Variants in WTAP observed in about 807,000 individuals in gnomAD.
The protein encoded by WTAP is pre-mRNA-splicing regulator WTAP.
A neutral mutation model predicts 50.0 loss-of-function variants in WTAP; 8 were observed. The ratio of observed to expected loss-of-function variants is 0.16; its 90% CI spans 0.09 to 0.29. The LOEUF (loss-of-function observed/expected upper bound fraction) is 0.29, where lower values mean the gene tolerates loss of function less well. Among genes scored for constraint, WTAP ranks in the 10% least tolerant of loss-of-function variants. The pLI is 1.00. For missense variants in WTAP, 295 were observed against 470.7 expected (o/e 0.63, Z 3.45); for synonymous variants, 194 against 169.0 (o/e 1.15, Z -1.15).
At chr6:159,730,192 T>A (rs982165882) in intron 1 of WTAP, among the ~76,000 whole-genome samples, 2 of 152,208 alleles carry the variant, frequency 1.3e-5, no homozygotes, top group African/African-American at 4.8e-5. Flanking sequence ...CTAACAGTCA[T>A]TTTCATCCTG....
At chr6:159,742,279 G>A in intron 4 of WTAP, 133 bp downstream of exon 4, 2 of 664,346 alleles carry the variant, frequency 3.0e-6, no homozygotes, top group Non-Finnish European at 5.0e-6. Flanking sequence ...CATAGGCACT[G>A]TGTTGGGTGC....
At position 159,742,116 on chromosome 6, in the gene WTAP, G is replaced by A. The variant is rs1417769727; in HGVS notation, c.115G>A (p.Ala39Thr). The change falls in exon 4 of 8, where the codon GCT (alanine) becomes ACT (threonine). Residue 39 changes from alanine to threonine, a missense_variant. Ala to Thr is a moderately conservative substitution (Grantham distance 58). Coordinates refer to ENST00000621533, the MANE Select transcript of WTAP (RefSeq NM_001270531.2). ...GAAACAATATGAAGCATATGTACAA[G>A]CTTTGGAGGGCAAGTACACAGATCT... is the stretch of plus-strand genomic sequence containing the variant. The part of the protein sequence containing the change: ...RWKQYEAYVQ[A>T]LEGKYTDLNS... The A allele has an allele frequency of 6.2e-7, 1 of 1,607,804 alleles. No homozygotes were observed. Among genetic ancestry groups the A allele is most frequent in the African/African-American group, 1.3e-5 (1 of 74,540 alleles).
intron 1 of WTAP, among the ~76,000 whole-genome samples, chr6:159,731,802 T>C (rs140793297): frequency 7.2e-5 from 11 of 152,358 alleles, no homozygotes; most frequent in African/African-American, 2.4e-4. Context: ...TTGCTACTTT[T>C]GTATTTGCAA....
At chr6:159,731,676 C>T (rs1404229375) in intron 1 of WTAP, among the ~76,000 whole-genome samples, 2 of 151,962 alleles carry the variant, frequency 1.3e-5, no homozygotes, top group Non-Finnish European at 2.9e-5. Flanking sequence ...AATTAAATGC[C>T]CATTTTGTGC....
rs973976887 is a variant in WTAP, at chr6:159,755,151, C to G, written c.731C>G (p.Ser244Cys). Residue 244 changes from serine to cysteine, a missense_variant, in exon 8 of 8, where the codon TCT becomes TGT. Physicochemically the swap from Ser to Cys is moderately radical, Grantham distance 112. Around this residue, in one of 2 missense-constraint regions of WTAP, gnomAD observed 120 missense variants for 287.6 expected, o/e 0.42. Coordinates refer to ENST00000621533, the MANE Select transcript of WTAP (RefSeq NM_001270531.2). ...TTGGCTCAGTACCAGCAGCAGCAGT[C>G]TCAGGCCTCTGCCCCAAGTACCAGC... ...QQLAQYQQQQ[S>C]QASAPSTSRT... 1 of 1,614,046 alleles carries G rather than the reference C, an allele frequency of 6.2e-7. No individual in the cohort carries two copies. Among genetic ancestry groups the G allele is most frequent in the Admixed American group, 1.7e-5 (1 of 60,006 alleles).
chr6:159,727,333 T>C (rs1353718000), upstream of WTAP: 4 of 1,240,652 alleles, frequency 3.2e-6, no homozygotes, highest in Non-Finnish European at 4.1e-6. Flanking sequence ...GCGACTCTCC[T>C]GTGAGTGGGC....
Position 159,755,786 on chromosome 6 carries a change from T to A in WTAP, c.*175T>A. On this transcript the variant is annotated 3_prime_UTR_variant, in exon 8 of 8. Coordinates refer to ENST00000621533, the MANE Select transcript of WTAP (RefSeq NM_001270531.2). ...TTTTCTTTTTTTTTTTTTTTTTTTT[T>A]TTTTGCTTCAATACTTCTGCCGCTT... The A allele has an allele frequency of 9.9e-7, 1 of 1,013,072 alleles. No individual in the cohort carries two copies. The highest frequency in any genetic ancestry group is 1.3e-6 in the Non-Finnish European group (1 of 786,576). The allele number at this position is 1,013,072 out of a possible 1,614,324, so 62.8% of individuals were successfully genotyped here.
At chr6:159,741,636 T>C (rs1264472558) in intron 3 of WTAP, 1 of 158,072 alleles carries the variant, frequency 6.3e-6, no homozygotes, top group African/African-American at 2.4e-5. Flanking sequence ...ATATATCTCT[T>C]TTTACCTGTT....
chr6:159,751,679 CCT>C (rs1341276457), intron 6 of WTAP, among the ~76,000 whole-genome samples: 3 of 152,202 alleles, frequency 2.0e-5, no homozygotes, highest in Non-Finnish European at 4.4e-5. Flanking sequence ...CCCTCGGGCT[CCT>C]CTGAGCAGTA....
intron 2 of WTAP, among the ~76,000 whole-genome samples, chr6:159,737,384 T>C (rs1778987054): frequency 1.3e-5 from 2 of 152,230 alleles, no homozygotes; most frequent in South Asian, 4.1e-4. Context: ...GTTCCCTCGT[T>C]CCATTTTATG....
At chr6:159,754,171 C>A (rs573803460) in intron 7 of WTAP, among the ~76,000 whole-genome samples, 1 of 152,286 alleles carries the variant, frequency 6.6e-6, no homozygotes, top group East Asian at 1.9e-4. Flanking sequence ...TATCCAAATT[C>A]TTTGAAATTT....
At chr6:159,732,102 G>A (rs550080295) in intron 1 of WTAP, among the ~76,000 whole-genome samples, 1 of 152,148 alleles carries the variant, frequency 6.6e-6, no homozygotes, top group East Asian at 1.9e-4. Flanking sequence ...GCATACTCAG[G>A]TTTCGCATCC....
At chr6:159,734,302 C>G (rs1778771445) in intron 1 of WTAP, among the ~76,000 whole-genome samples, 1 of 151,260 alleles carries the variant, frequency 6.6e-6, no homozygotes, top group Admixed American at 6.6e-5. Flanking sequence ...GTGTGAGCCA[C>G]CACACCAGCC....
chr6:159,752,942 A>G (rs1779874828), intron 6 of WTAP, among the ~76,000 whole-genome samples: 2 of 152,198 alleles, frequency 1.3e-5, no homozygotes, highest in Non-Finnish European at 2.9e-5. Flanking sequence ...TATGTTGCCC[A>G]TGCTGGAGGA....
intron 6 of WTAP, chr6:159,749,565 A>G (rs1356767869): frequency 9.9e-6 from 4 of 404,906 alleles, no homozygotes; most frequent in African/African-American, 6.5e-5. Context: ...AAGTGAAGGA[A>G]AAGGCGCTGT....
Position 159,748,370 on chromosome 6 carries a change from G to A in WTAP, c.452+1G>A. ...GTGCCTGGAAGTTTACGCCTGATAG[G>A]TAAACAAATCATACTCCCCAGTCAA... On this transcript the variant is annotated splice_donor_variant, in intron 6 of 7. Coordinates refer to ENST00000621533, the MANE Select transcript of WTAP (RefSeq NM_001270531.2). LOFTEE classifies it high-confidence loss of function. This position sits in a 1 kb window ranked among gnomAD's most constrained non-coding sequence, Gnocchi z 5.6. 6.2e-7 allele frequency: 1 copy of A among 1,613,362 alleles called. No homozygotes were observed. Among genetic ancestry groups the A allele is most frequent in the Non-Finnish European group, 8.5e-7 (1 of 1,179,452 alleles).
At chr6:159,754,967 AAAG>A in intron 7 of WTAP, 58 bp from the exon 8 acceptor site, 1 of 1,465,698 alleles carries the variant, frequency 6.8e-7, no homozygotes, top group Non-Finnish European at 9.1e-7. Context: ...GGCAGGCACT[AAAG>A]AAACATTTTT....
intron 1 of WTAP, among the ~76,000 whole-genome samples, chr6:159,733,471 A>T (rs1346180607): frequency 2.0e-5 from 3 of 152,080 alleles, no homozygotes; most frequent in African/African-American, 7.2e-5. Context: ...AATTACAAAA[A>T]ATTAACTGGG....
At chr6:159,727,845 C>T (rs754332171) in intron 1 of WTAP, 142 bp downstream of exon 1, 16 of 545,158 alleles carry the variant, frequency 2.9e-5, no homozygotes, top group Non-Finnish European at 3.7e-5. Flanking sequence ...CTCTCGTGAG[C>T]CGCTCTACCT....
Sources: gnomAD v4.1 joint callset for allele counts (sites outside exome capture counted in the v4.1 genomes callset) on GRCh38, gnomAD v4.1.1 for gene constraint, gnomAD v4.1.1 regional missense constraint, Gnocchi (gnomAD v3.1) non-coding constraint, MANE v1.5 for transcripts, NCBI Gene and HGNC (gene_info 2026-07-23, HGNC 2026-07-21) for gene names.